TMEM123: variants seen among roughly 807,000 people sequenced by gnomAD.
The protein encoded by TMEM123 is transmembrane protein 123.
Under a neutral mutation model 19.7 loss-of-function variants are expected in TMEM123, and 16 were observed. The observed-to-expected ratio is 0.81, with a 90% CI of 0.55 to 1.23. The LOEUF is 1.23. Among genes scored for constraint, TMEM123 ranks in the 50% most tolerant of loss-of-function variants. The pLI, the probability that TMEM123 is intolerant of heterozygous loss-of-function variation, is 0.00. For synonymous variants in TMEM123, 118 were observed against 99.4 expected, an observed-to-expected ratio of 1.19 and a Z score of -1.12; for missense variants, 313 against 257.8, an observed-to-expected ratio of 1.21 and a Z score of -1.47.
chr11:102,417,784 A>G (rs1739300460), intron 2 of TMEM123, among the ~76,000 whole-genome samples: 1 of 152,214 alleles, frequency 6.6e-6, no homozygotes, highest in South Asian at 2.1e-4. Flanking sequence ...GTATCGGTAC[A>G]GAAACTGATA....
intron 2 of TMEM123, among the ~76,000 whole-genome samples, chr11:102,437,709 A>G (rs670334): frequency 0.83 from 125,563 of 152,118 alleles, 52,483 homozygotes; most frequent in East Asian, 0.99. Context: ...GAATCACTAT[A>G]GAATTTAAAA....
intron 2 of TMEM123, among the ~76,000 whole-genome samples, chr11:102,439,467 C>A (rs1857800723): frequency 6.6e-6 from 1 of 152,178 alleles, no homozygotes; most frequent in Non-Finnish European, 1.5e-5. Context: ...CTCCAACAGA[C>A]CTGCAGCTGA....
At chr11:102,429,091 A>C (rs1952153802) in intron 2 of TMEM123, among the ~76,000 whole-genome samples, 1 of 152,126 alleles carries the variant, frequency 6.6e-6, no homozygotes, top group African/African-American at 2.4e-5. Context: ...CAGGATGGAC[A>C]ACAGTTAACA....
At chr11:102,446,814 A>G (rs906522158) in intron 2 of TMEM123, among the ~76,000 whole-genome samples, 2 of 152,216 alleles carry the variant, frequency 1.3e-5, no homozygotes, top group Non-Finnish European at 2.9e-5. Flanking sequence ...GCTTTTTCCA[A>G]CAGTACATTC....
At chr11:102,416,877 T>C (rs1008920218) in intron 2 of TMEM123, among the ~76,000 whole-genome samples, 3 of 151,972 alleles carry the variant, frequency 2.0e-5, no homozygotes, top group Non-Finnish European at 4.4e-5. Flanking sequence ...TATCACATAA[T>C]GTGAACTAAA....
chr11:102,424,461 G>A (rs975692383), intron 2 of TMEM123, among the ~76,000 whole-genome samples: 11 of 151,880 alleles, frequency 7.2e-5, no homozygotes, highest in Admixed American at 7.2e-4. Context: ...TAAGGCAGGT[G>A]GATCACTTGA....
At chr11:102,437,663 G>A (rs1457223418) in intron 2 of TMEM123, among the ~76,000 whole-genome samples, 1 of 152,066 alleles carries the variant, frequency 6.6e-6, no homozygotes, top group Non-Finnish European at 1.5e-5. Flanking sequence ...CTGCTGTCTT[G>A]AGAGTACAGG....
At chr11:102,448,116 A>C (rs1179705304) in intron 2 of TMEM123, 2 of 407,368 alleles carry the variant, frequency 4.9e-6, no homozygotes, top group Non-Finnish European at 9.8e-6. Flanking sequence ...CCCTGACTAA[A>C]AGTAAACAAA....
intron 2 of TMEM123, among the ~76,000 whole-genome samples, chr11:102,425,814 T>C (rs1386877098): frequency 6.6e-6 from 1 of 151,690 alleles, no homozygotes; most frequent in Non-Finnish European, 1.5e-5. Context: ...ACTCCTGGAG[T>C]CAAGCAATCT....
rs369763007 is a variant in TMEM123 at position 102,452,571 on chromosome 11, T to G, written c.53A>C (p.Gln18Pro). 9.5e-6 allele frequency: 15 copies of G among 1,573,734 alleles called. No homozygotes were observed. Among genetic ancestry groups the G allele is most frequent in the Middle Eastern group, 1.7e-4 (1 of 5,992 alleles). Residue 18 changes from glutamine (Q) to proline (P), a missense_variant, in exon 1 of 5, where the codon CAG becomes CCG. By Grantham distance (76) the Gln-to-Pro change is moderately conservative. Coordinates refer to ENST00000398136, the MANE Select transcript of TMEM123 (RefSeq NM_052932.3). ...GGCGGCCCCCAGCAGCGCTAGCACC[T>G]GCAGCGTCCCCAGGAGCAGCGCGGC... ...AWAALLLGTL[Q>P]VLALLGAAHE...
chr11:102,399,480 A>G (rs780684788), intron 4 of TMEM123, among the ~76,000 whole-genome samples: 1 of 152,086 alleles, frequency 6.6e-6, no homozygotes, highest in Non-Finnish European at 1.5e-5. Context: ...GTATTCTTTC[A>G]TGTATTGACC....
intron 1 of TMEM123, 195 bp from the exon 2 acceptor site, chr11:102,449,063 T>C: frequency 1.9e-6 from 1 of 532,100 alleles, no homozygotes; most frequent in Admixed American, 3.1e-5. Flanking sequence ...TATTACCAGG[T>C]TTTTCAAGAT....
At chr11:102,450,007 G>A (rs182183085) in intron 1 of TMEM123, among the ~76,000 whole-genome samples, 387 of 152,190 alleles carry the variant, frequency 2.5e-3, no homozygotes, top group Non-Finnish European at 4.3e-3. Flanking sequence ...CTTCCCAATT[G>A]TTGCATTACC....
intron 2 of TMEM123, 74 bp from the exon 3 acceptor site, chr11:102,402,280 C>T: frequency 6.7e-7 from 1 of 1,481,788 alleles, no homozygotes; most frequent in Non-Finnish European, 9.2e-7. Flanking sequence ...CTGAGACTTT[C>T]ATGGTCACAG....
chr11:102,441,403 T>C (rs551206935), intron 2 of TMEM123, among the ~76,000 whole-genome samples: 1 of 152,106 alleles, frequency 6.6e-6, no homozygotes, highest in South Asian at 2.1e-4. Context: ...TCAAAACCGC[T>C]CAACTACATG....
chr11:102,450,994 T>G (rs1857932924), intron 1 of TMEM123, among the ~76,000 whole-genome samples: 1 of 152,212 alleles, frequency 6.6e-6, no homozygotes, highest in African/African-American at 2.4e-5. Flanking sequence ...CAAGGTGACA[T>G]TATATAGTCT....
At chr11:102,446,774 A>G (rs777405387) in intron 2 of TMEM123, among the ~76,000 whole-genome samples, 38 of 152,228 alleles carry the variant, frequency 2.5e-4, no homozygotes, top group Admixed American at 3.9e-4. Flanking sequence ...TAGACACCCA[A>G]CATTCTAAGG....
At chr11:102,443,691 C>T (rs924811659) in intron 2 of TMEM123, among the ~76,000 whole-genome samples, 3 of 152,064 alleles carry the variant, frequency 2.0e-5, no homozygotes, top group Non-Finnish European at 2.9e-5. Flanking sequence ...CCAAAATAGA[C>T]GAATGGGATC....
chr11:102,421,356 C>T (rs117790160), intron 2 of TMEM123, among the ~76,000 whole-genome samples: 3,664 of 152,220 alleles, frequency 0.024, 74 homozygotes, highest in Non-Finnish European at 0.038. Context: ...ATTATTAGAG[C>T]TGTATTTGCA....
Sources: gnomAD v4.1 joint callset for allele counts (sites outside exome capture counted in the v4.1 genomes callset) on GRCh38, gnomAD v4.1.1 for gene constraint, MANE v1.5 for transcripts, NCBI Gene and HGNC (gene_info 2026-07-23, HGNC 2026-07-21) for gene names.